The following EPAS1 variants were observed in gnomAD, a reference collection of about 807,000 sequenced individuals.
The protein encoded by EPAS1 is endothelial PAS domain protein 1.
Under a neutral mutation model 87.9 loss-of-function variants are expected in EPAS1, and 23 were observed. The ratio of observed to expected loss-of-function variants is 0.26; its 90% CI spans 0.19 to 0.37. The LOEUF is 0.37. Ranked by LOEUF, EPAS1 falls within the 10% of genes least tolerant of loss-of-function variation. The pLI, the probability that EPAS1 is intolerant of heterozygous loss-of-function variation, is 1.00. For missense variants in EPAS1, 1,138 were observed against 1,120.7 expected (o/e 1.02, Z -0.22); for synonymous variants, 508 against 444.3 (o/e 1.14, Z -1.80).
chr2:46,375,484 C>G lies in EPAS1; in HGVS notation c.887-206C>G, dbSNP rs114060357. Among the ~76,000 whole-genome samples the G allele has an allele frequency of 1.3e-5, 2 of 152,098 alleles. No homozygotes were observed. Among genetic ancestry groups the G allele is most frequent in the South Asian group, 2.1e-4 (1 of 4,828 alleles). On this transcript the variant is annotated intron_variant, in intron 7 of 15. Coordinates refer to ENST00000263734, the MANE Select transcript of EPAS1 (RefSeq NM_001430.5). This position sits in a 1 kb window ranked among gnomAD's most constrained non-coding sequence, Gnocchi z 4.1. ...GGCAAGTCATTTCACCTCTTCTCAC[C>G]TCTTTTTCCTATATTTAAAATGAAG...
Position 46,346,782 on chromosome 2 carries a change from A to G in EPAS1, c.27-91A>G, listed in dbSNP as rs1684036152. On this transcript the variant is annotated intron_variant, in intron 1 of 15. Coordinates refer to ENST00000263734, the MANE Select transcript of EPAS1 (RefSeq NM_001430.5). This position sits in a 1 kb window ranked among gnomAD's most constrained non-coding sequence, Gnocchi z 4.0. Reference sequence around the variant, plus strand: ...CAGTCTAGTAAGGGAGTGTGGCTGCACTGGGGGTTGGGGCCATGGGGATGT... The same window carrying G: ...CAGTCTAGTAAGGGAGTGTGGCTGCGCTGGGGGTTGGGGCCATGGGGATGT... The G allele has an allele frequency of 1.5e-6, 2 of 1,372,550 alleles. No homozygotes were observed. Among genetic ancestry groups the G allele is most frequent in the South Asian group, 1.2e-5 (1 of 82,372 alleles). The allele number at this position is 1,372,550 out of a possible 1,614,324, so 85.0% of individuals were successfully genotyped here. A position where few individuals can be genotyped will look rare whatever the true frequency, so the allele number is the denominator to read the frequency against.
chr2:46,346,377 T>C lies in EPAS1; in HGVS notation c.27-496T>C, dbSNP rs1481697318. ...AATCACTTTCTGGTATGAAGCGGGA[T>C]CTAGGGTTCAGTACTACTCTTAATT... On this transcript the variant is annotated intron_variant, in intron 1 of 15. Coordinates refer to ENST00000263734, the MANE Select transcript of EPAS1 (RefSeq NM_001430.5). The surrounding 1 kb of genome is among the most constrained non-coding windows in gnomAD (Gnocchi z 4.0). Among the ~76,000 whole-genome samples the C allele has an allele frequency of 6.6e-6, 1 of 152,232 alleles. No individual in the cohort carries two copies. The highest frequency in any genetic ancestry group is 1.5e-5 in the Non-Finnish European group (1 of 68,036).
At position 46,382,566 on chromosome 2, in the gene EPAS1, A is replaced by G. The variant is rs1279197316; in HGVS notation, c.2429A>G (p.Asp810Gly). The G allele has an allele frequency of 1.2e-6, 2 of 1,614,132 alleles. No individual in the cohort carries two copies. Among genetic ancestry groups the G allele is most frequent in the Non-Finnish European group, 1.7e-6 (2 of 1,180,036 alleles). The change falls in exon 15 of 16, where the codon GAC becomes GGC. Residue 810 changes from aspartate (D) to glycine (G), a missense_variant. This residue lies in a region of EPAS1 where 502 missense variants were observed against 427.1 expected (regional missense o/e 1.18). Coordinates refer to ENST00000263734, the MANE Select transcript of EPAS1 (RefSeq NM_001430.5). The part of the protein sequence containing the change: ...PPQCYATQYQ[D>G]YSLSSAHKVS... Reference sequence around the variant, plus strand: ...CAGTGCTACGCCACCCAGTACCAGGACTACAGCCTGTCGTCAGCCCACAAG... The same window carrying G: ...CAGTGCTACGCCACCCAGTACCAGGGCTACAGCCTGTCGTCAGCCCACAAG...
chr2:46,381,903 A>G (rs1352235823), intron 13 of EPAS1, 72 bp from the exon 14 acceptor site: 3 of 292,410 alleles, frequency 1.0e-5, no homozygotes, highest in Non-Finnish European at 1.8e-5. Context: ...TTCCAGGCCC[A>G]CCCAACCCAC....
At chr2:46,350,484 C>A (rs1015460257) in intron 2 of EPAS1, among the ~76,000 whole-genome samples, 1 of 152,168 alleles carries the variant, frequency 6.6e-6, no homozygotes, top group Admixed American at 6.5e-5. Context: ...GGCTGTGGGT[C>A]TGGGCTGCCG....
chr2:46,346,778 C>A lies in EPAS1; in HGVS notation c.27-95C>A. 1 of 1,322,992 alleles carries A rather than the reference C, an allele frequency of 7.6e-7. No individual in the cohort carries two copies. Among genetic ancestry groups the A allele is most frequent in the Non-Finnish European group, 1.1e-6 (1 of 936,810 alleles). 82.0% of individuals were successfully genotyped at this position (1,322,992 alleles called of 1,614,324 possible). ...AGATCAGTCTAGTAAGGGAGTGTGG[C>A]TGCACTGGGGGTTGGGGCCATGGGG... is the stretch of plus-strand genomic sequence containing the variant. On this transcript the variant is annotated intron_variant, in intron 1 of 15. Transcript: ENST00000263734. The surrounding 1 kb of genome is among the most constrained non-coding windows in gnomAD (Gnocchi z 4.0).
chr2:46,382,406 T>C lies in EPAS1; in HGVS notation c.2288-19T>C. The C allele has an allele frequency of 6.2e-7, 1 of 1,614,038 alleles. No homozygotes were observed. On this transcript the variant is annotated intron_variant, in intron 14 of 15. Coordinates refer to ENST00000263734, the MANE Select transcript of EPAS1 (RefSeq NM_001430.5). Reference sequence around the variant, plus strand: ...CCTCAGGCCAATGCTACCGTCACTCTCTGACTTTGGTCTTTCAGATAAGTT... The same window carrying C: ...CCTCAGGCCAATGCTACCGTCACTCCCTGACTTTGGTCTTTCAGATAAGTT...
chr2:46,380,348 C>G lies in EPAS1; in HGVS notation c.1676C>G (p.Thr559Ser). 6.2e-7 allele frequency: 1 copy of G among 1,614,064 alleles called. No individual in the cohort carries two copies. Among genetic ancestry groups the G allele is most frequent in the Non-Finnish European group, 8.5e-7 (1 of 1,180,004 alleles). ...ERLLAENPQS[T>S]PQHCFSAMTN... is the part of the protein sequence containing the mutation. ...CTCTTGGCGGAGAACCCACAGTCCA[C>G]CCCCCAGCACTGCTTCAGTGCCATG... is the stretch of plus-strand genomic sequence containing the variant. The change falls in exon 12 of 16, where the codon ACC becomes AGC. Residue 559 changes from threonine to serine, a missense_variant. Thr to Ser is a moderately conservative substitution (Grantham distance 58). This residue lies in a region of EPAS1 where 502 missense variants were observed against 427.1 expected (regional missense o/e 1.18). Coordinates refer to ENST00000263734, the MANE Select transcript of EPAS1 (RefSeq NM_001430.5). This position sits in a 1 kb window ranked among gnomAD's most constrained non-coding sequence, Gnocchi z 4.4.
intron 1 of EPAS1, among the ~76,000 whole-genome samples, chr2:46,324,302 T>G (rs542461194): frequency 5.3e-5 from 8 of 152,180 alleles, no homozygotes; most frequent in Non-Finnish European, 1.2e-4. Context: ...CTTCTGACCT[T>G]GTGATCTGCC....
At chr2:46,304,566 G>A (rs535155439) in intron 1 of EPAS1, among the ~76,000 whole-genome samples, 2 of 152,108 alleles carry the variant, frequency 1.3e-5, no homozygotes, top group Non-Finnish European at 2.9e-5. Context: ...AGCAGATAGG[G>A]ATTGAAGATC....
chr2:46,380,248 T>A lies in EPAS1; in HGVS notation c.1576T>A (p.Leu526Met). 6.2e-7 allele frequency: 1 copy of A among 1,612,904 alleles called. No homozygotes were observed. Among genetic ancestry groups the A allele is most frequent in the East Asian group, 2.2e-5 (1 of 44,876 alleles). Residue 526 changes from leucine (L) to methionine (M), a missense_variant, in exon 12 of 16, where the codon TTG (leucine) becomes ATG (methionine). This residue lies in a region of EPAS1 where 284 missense variants were observed against 258.4 expected (regional missense o/e 1.10). Transcript: ENST00000263734. This position sits in a 1 kb window ranked among gnomAD's most constrained non-coding sequence, Gnocchi z 4.4. ...STQTDFNELD[L>M]ETLAPYIPMD... ...TCAGACGGATTTCAATGAGCTGGAC[T>A]TGGAGACACTGGCACCCTATATCCC...
At chr2:46,369,004 T>TA (rs1301453296) in intron 6 of EPAS1, among the ~76,000 whole-genome samples, 8 of 152,132 alleles carry the variant, frequency 5.3e-5, no homozygotes, top group Non-Finnish European at 1.2e-4. Flanking sequence ...CATTTGCCCT[T>TA]TCCTCTGCCC....
At chr2:46,369,050 GA>G (rs1684566059) in intron 6 of EPAS1, among the ~76,000 whole-genome samples, 2 of 152,166 alleles carry the variant, frequency 1.3e-5, no homozygotes, top group Admixed American at 6.5e-5. Flanking sequence ...ACAGAATGAA[GA>G]AAGGGACACT....
Position 46,360,554 on chromosome 2 carries a change from C to A in EPAS1, c.455-84C>A. 8.3e-7 allele frequency: 1 copy of A among 1,211,414 alleles called. No individual in the cohort carries two copies. The highest frequency in any genetic ancestry group is 1.2e-5 in the South Asian group (1 of 82,400). The allele number at this position is 1,211,414 out of a possible 1,614,324, so 75.0% of individuals were successfully genotyped here. On this transcript the variant is annotated intron_variant, in intron 4 of 15. Coordinates refer to ENST00000263734, the MANE Select transcript of EPAS1 (RefSeq NM_001430.5). This position sits in a 1 kb window ranked among gnomAD's most constrained non-coding sequence, Gnocchi z 4.5. ...TTGGAAAATATAAACAATAGGCTGC[C>A]AAGAAAAACTGCAGCTGGGCCCCTC... is the stretch of plus-strand genomic sequence containing the variant.
At chr2:46,313,388 C>T (rs1469111244) in intron 1 of EPAS1, among the ~76,000 whole-genome samples, 1 of 152,112 alleles carries the variant, frequency 6.6e-6, no homozygotes, top group Non-Finnish European at 1.5e-5. Flanking sequence ...CTTTAGTTAA[C>T]CTCCCTCCTG....
intron 11 of EPAS1, chr2:46,379,755 T>C (rs1269416779): frequency 9.3e-6 from 2 of 215,402 alleles, no homozygotes; most frequent in African/African-American, 2.3e-5. Flanking sequence ...TCTGCGAGAG[T>C]CCACAGATGG....
At chr2:46,376,417 A>G (rs1413798644) in intron 8 of EPAS1, 122 bp from the exon 9 acceptor site, 7 of 906,822 alleles carry the variant, frequency 7.7e-6, no homozygotes, top group East Asian at 2.4e-5. Flanking sequence ...TAAGACGCCA[A>G]TGCCTGGAGT....
intron 12 of EPAS1, chr2:46,381,177 G>A (rs1684881620): frequency 2.8e-6 from 1 of 356,980 alleles, no homozygotes; most frequent in Middle Eastern, 9.5e-4. Context: ...TCCCCAGCAT[G>A]CTCATTTCAC....
rs764991841 is a variant in EPAS1, at chr2:46,346,954, G to C, written c.108G>C (p.Glu36Asp). 1 of 1,614,222 alleles carries C rather than the reference G, an allele frequency of 6.2e-7. No individual in the cohort carries two copies. The highest frequency in any genetic ancestry group is 8.5e-7 in the Non-Finnish European group (1 of 1,180,034). ...RRSKETEVFY[E>D]LAHELPLPHS... The stretch of plus-strand genomic sequence containing the variant: ...GCAAGGAGACGGAGGTGTTCTATGA[G>C]CTGGCCCATGAGCTGCCTCTGCCCC... Residue 36 changes from glutamate to aspartate, a missense_variant, in exon 2 of 16, where the codon GAG becomes GAC. Glu to Asp is a conservative substitution (Grantham distance 45). Around this residue, in one of 4 missense-constraint regions of EPAS1, gnomAD observed 351 missense variants for 417.1 expected, o/e 0.84. Coordinates refer to ENST00000263734, the MANE Select transcript of EPAS1 (RefSeq NM_001430.5). The surrounding 1 kb of genome is among the most constrained non-coding windows in gnomAD (Gnocchi z 4.0).
Sources: gnomAD v4.1 joint callset for allele counts (sites outside exome capture counted in the v4.1 genomes callset) on GRCh38, gnomAD v4.1.1 for gene constraint, gnomAD v4.1.1 regional missense constraint, Gnocchi (gnomAD v3.1) non-coding constraint, MANE v1.5 for transcripts, NCBI Gene and HGNC (gene_info 2026-07-23, HGNC 2026-07-21) for gene names.